The following GOLM2 variants were observed in gnomAD, a reference collection of about 807,000 sequenced individuals.
The protein encoded by GOLM2 is golgi membrane protein 2.
Under a neutral mutation model 55.9 loss-of-function variants are expected in GOLM2, and 26 were observed. That is an observed-to-expected ratio of 0.47 (90% CI 0.34 to 0.65). The LOEUF is 0.65. GOLM2 is among the 30% of genes least tolerant of loss of function. The pLI is 0.01. For missense variants in GOLM2, 486 were observed against 531.8 expected (o/e 0.91, Z 0.85); for synonymous variants, 165 against 194.6 (o/e 0.85, Z 1.27).
chr15:44,388,269 GTCTCA>G (rs1595662907), intron 8 of GOLM2, among the ~76,000 whole-genome samples: 1 of 112,404 alleles, frequency 8.9e-6, no homozygotes, highest in East Asian at 2.9e-4. Context: ...GCAAGACCCT[GTCTCA>G]AAAAAAAAAA....
chr15:44,392,230 C>G (rs1197352862), intron 8 of GOLM2, among the ~76,000 whole-genome samples: 5 of 152,118 alleles, frequency 3.3e-5, no homozygotes, highest in African/African-American at 9.7e-5. Flanking sequence ...AAACACTCCC[C>G]AACCCATTTT....
chr15:44,302,396 C>T (rs2078804979), intron 1 of GOLM2, among the ~76,000 whole-genome samples: 1 of 152,010 alleles, frequency 6.6e-6, no homozygotes, highest in African/African-American at 2.4e-5. Flanking sequence ...CTGTTCACCT[C>T]GGCCTCCCAA....
Position 44,289,166 on chromosome 15 carries a change from T to C in GOLM2, c.137T>C (p.Val46Ala), listed in dbSNP as rs758193651. 8 of 1,613,960 alleles carry C rather than the reference T, an allele frequency of 5.0e-6. No homozygotes were observed. The East Asian group carries it at 6.7e-5, about 13-fold the overall frequency. ...SSRHVLLQEE[V>A]AELQGQVQRT... ...CGCCACGTCCTGCTTCAGGAGGAGG[T>C]GGCCGAGCTGCAGGGCCAGGTCCAG... is the stretch of plus-strand genomic sequence containing the variant. The change falls in exon 1 of 10, where the codon GTG (valine) becomes GCG (alanine). Residue 46 changes from valine (V) to alanine (A), a missense_variant. Coordinates refer to ENST00000299957, the MANE Select transcript of GOLM2 (RefSeq NM_138423.4). The surrounding 1 kb of genome is among the most constrained non-coding windows in gnomAD (Gnocchi z 4.8).
intron 1 of GOLM2, among the ~76,000 whole-genome samples, chr15:44,300,892 G>A (rs190761464): frequency 1.4e-4 from 21 of 152,242 alleles, no homozygotes; most frequent in Non-Finnish European, 2.1e-4. Context: ...TTCTTACACT[G>A]TTTCTGGCCA....
At chr15:44,360,328 C>T (rs1470729561) in intron 6 of GOLM2, among the ~76,000 whole-genome samples, 2 of 152,090 alleles carry the variant, frequency 1.3e-5, no homozygotes, top group Non-Finnish European at 2.9e-5. Context: ...CAGAGACACA[C>T]ATAGGCTCAA....
rs146949516 is a variant in GOLM2 at position 44,347,162 on chromosome 15, G to A, written c.802+8845G>A. On this transcript the variant is annotated intron_variant, in intron 6 of 9. Transcript: ENST00000299957. ...GAGAGAGAGAGAGAGAGGAGGCAGA[G>A]TGAGATAACTGAATAGAAGCCTCCA... Among the ~76,000 whole-genome samples the A allele has an allele frequency of 2.0e-5, 3 of 152,236 alleles. 1 individual carries two copies. Among genetic ancestry groups the A allele is most frequent in the African/African-American group, 7.2e-5 (3 of 41,550 alleles).
At position 44,288,848 on chromosome 15, in the gene GOLM2, G is replaced by T. The variant is rs1010524779; in HGVS notation, c.-182G>T. The stretch of plus-strand genomic sequence containing the variant: ...GTTTTGGCCTGATTTGAGGAGGGGG[G>T]CGGGGAGGGACCTGCGGCTTGCGGC... On this transcript the variant is annotated 5_prime_UTR_variant, in exon 1 of 10. Transcript: ENST00000299957. 8 of 598,078 alleles carry T rather than the reference G, an allele frequency of 1.3e-5. No individual in the cohort carries two copies. The highest frequency in any genetic ancestry group is 2.3e-5 in the Non-Finnish European group (8 of 342,150). The allele number at this position is 598,078 out of a possible 1,614,324, so 37.0% of individuals were successfully genotyped here.
At chr15:44,390,524 C>A (rs1461273530) in intron 8 of GOLM2, 1 of 151,896 alleles carries the variant, frequency 6.6e-6, no homozygotes, top group Non-Finnish European at 1.5e-5. Flanking sequence ...GAGAGGCAAG[C>A]TAGTGTATCA....
Position 44,378,612 on chromosome 15 carries a change from A to G in GOLM2, c.803-1078A>G, listed in dbSNP as rs575811564. On this transcript the variant is annotated intron_variant, in intron 6 of 9. Coordinates refer to ENST00000299957, the MANE Select transcript of GOLM2 (RefSeq NM_138423.4). The stretch of plus-strand genomic sequence containing the variant: ...GACTCTGTCTCAAAATAAGTAAATA[A>G]AAGAAAAGAAAAGAAAATTTGAGCA... 1.5e-3 allele frequency among the ~76,000 whole-genome samples: 221 copies of G among 151,510 alleles called. 1 individual carries two copies. The highest frequency in any genetic ancestry group is 5.2e-3 in the African/African-American group (213 of 41,268).
chr15:44,343,986 C>T (rs117848853), intron 6 of GOLM2, among the ~76,000 whole-genome samples: 3,563 of 151,420 alleles, frequency 0.024, 84 homozygotes, highest in East Asian at 0.1. Context: ...CACAGTGGCT[C>T]ACGTCTGTAA....
At chr15:44,344,166 G>A (rs1031545510) in intron 6 of GOLM2, among the ~76,000 whole-genome samples, 1 of 150,352 alleles carries the variant, frequency 6.7e-6, no homozygotes, top group Admixed American at 6.6e-5. Flanking sequence ...AGGCTAAAGT[G>A]AGAGAACTGC....
chr15:44,335,684 A>G (rs1266330559), intron 4 of GOLM2, among the ~76,000 whole-genome samples: 1 of 152,168 alleles, frequency 6.6e-6, no homozygotes, highest in Non-Finnish European at 1.5e-5. Context: ...TCATTCATCA[A>G]TGATTAAACT....
intron 6 of GOLM2, among the ~76,000 whole-genome samples, chr15:44,345,112 A>AG (rs2079115215): frequency 6.7e-6 from 1 of 148,702 alleles, no homozygotes; most frequent in Non-Finnish European, 1.5e-5. Flanking sequence ...CGCCTGGCCT[A>AG]TTTTTTTATT....
intron 9 of GOLM2, chr15:44,403,262 A>C (rs148088261): frequency 0.038 from 20,467 of 540,336 alleles, 820 homozygotes; most frequent in East Asian, 0.16. Flanking sequence ...TCCCGGGTTC[A>C]AGCGATTCTC....
At chr15:44,351,434 G>T (rs983625155) in intron 6 of GOLM2, among the ~76,000 whole-genome samples, 1 of 151,658 alleles carries the variant, frequency 6.6e-6, no homozygotes, top group African/African-American at 2.4e-5. Context: ...AAAATTAGCC[G>T]GGCGTGGTGG....
At position 44,289,581 on chromosome 15, in the gene GOLM2, G is replaced by C. The variant is rs370796790; in HGVS notation, c.327+225G>C. Among the ~76,000 whole-genome samples, 13 of 152,322 alleles carry C rather than the reference G, an allele frequency of 8.5e-5. No homozygotes were observed. In the East Asian group the frequency reaches 1.7e-3, roughly 20 times the overall value. ...AATGACTGTAAATTCTGGTTCTCAAGAGTGGACTGTGTGCAGATGCTGCCT... is the reference window on the plus strand; with the variant it reads ...AATGACTGTAAATTCTGGTTCTCAACAGTGGACTGTGTGCAGATGCTGCCT... On this transcript the variant is annotated intron_variant, in intron 1 of 9. Coordinates refer to ENST00000299957, the MANE Select transcript of GOLM2 (RefSeq NM_138423.4). The surrounding 1 kb of genome is among the most constrained non-coding windows in gnomAD (Gnocchi z 4.8).
chr15:44,321,970 G>A (rs778207308), intron 1 of GOLM2, among the ~76,000 whole-genome samples: 2 of 152,106 alleles, frequency 1.3e-5, no homozygotes, highest in African/African-American at 4.8e-5. Context: ...GAGATAGGAG[G>A]ATAGACTTGG....
At chr15:44,377,423 T>C (rs2079371501) in intron 6 of GOLM2, among the ~76,000 whole-genome samples, 1 of 152,066 alleles carries the variant, frequency 6.6e-6, no homozygotes, top group Non-Finnish European at 1.5e-5. Context: ...CAGGCTGGAG[T>C]GCAGTGCCGC....
chr15:44,331,089 A>C (rs917801825), intron 3 of GOLM2, among the ~76,000 whole-genome samples: 11 of 152,060 alleles, frequency 7.2e-5, no homozygotes, highest in Non-Finnish European at 1.3e-4. Context: ...ATCTCAGCTC[A>C]CTGCAACCTC....
Sources: allele counts gnomAD v4.1 joint callset (sites outside exome capture counted in the v4.1 genomes callset), GRCh38; gene constraint gnomAD v4.1.1; non-coding constraint Gnocchi (gnomAD v3.1); transcripts MANE v1.5; gene names NCBI Gene and HGNC (gene_info 2026-07-23, HGNC 2026-07-21).